NCOR2: variants seen among roughly 807,000 people sequenced by gnomAD.
NCOR2 encodes the protein CTG repeat protein 26.
In NCOR2, 81 loss-of-function variants were observed where a neutral mutation model predicts 262.9. That is an observed-to-expected ratio of 0.31 (90% CI 0.26 to 0.37). NCOR2 has a LOEUF of 0.37. NCOR2 is among the 10% of genes least tolerant of loss of function. NCOR2 has a pLI of 1.00. For missense variants in NCOR2, 3,385 were observed against 3,621.4 expected (o/e 0.93, Z 1.68); for synonymous variants, 1,659 against 1,559.3 (o/e 1.06, Z -1.51).
Position 124,483,864 on chromosome 12 carries a change from T to G in NCOR2, c.234-91A>C, listed in dbSNP as rs1047744965. On this transcript the variant is annotated intron_variant, in intron 2 of 46. Coordinates refer to ENST00000405201, the Ensembl canonical transcript of NCOR2. The surrounding 1 kb of genome is among the most constrained non-coding windows in gnomAD (Gnocchi z 6.3). ...ACCACCCTCTGCGCCGAGCATCTAC[T>G]GCGCGCCGTGCTCTGTATGATCCTG... 1.5e-6 allele frequency: 2 copies of G among 1,364,958 alleles called. No individual in the cohort carries two copies. The highest frequency in any genetic ancestry group is 5.3e-5 in the East Asian group (2 of 38,034). The allele number at this position is 1,364,958 out of a possible 1,614,324, so 84.6% of individuals were successfully genotyped here.
At position 124,332,271 on chromosome 12, in the gene NCOR2, C is replaced by G. The variant is rs370009566; in HGVS notation, c.6904+48G>C. On this transcript the variant is annotated intron_variant, in intron 43 of 46. Transcript: ENST00000405201. The stretch of plus-strand genomic sequence containing the variant: ...GCTCCAGCTGCCCAGGCAGGCCACC[C>G]GCCCACCTGTGGCCCCATGCTTCCC... The G allele has an allele frequency of 1.4e-5, 22 of 1,605,636 alleles. No individual in the cohort carries two copies. The Admixed American group carries it at 3.7e-4, about 27-fold the overall frequency.
At chr12:124,462,649 G>A (rs1318209399) in intron 5 of NCOR2, among the ~76,000 whole-genome samples, 1 of 152,244 alleles carries the variant, frequency 6.6e-6, no homozygotes, top group African/African-American at 2.4e-5. Flanking sequence ...CCAGGATGCT[G>A]AGGCCACAGG....
intron 1 of NCOR2, among the ~76,000 whole-genome samples, chr12:124,509,337 TG>T (rs1219618526): frequency 1.3e-5 from 2 of 151,252 alleles, no homozygotes; most frequent in Non-Finnish European, 2.9e-5. Context: ...GTCCTTCCAC[TG>T]GGGCTACTGA....
At chr12:124,452,711 G>A (rs1473150043) in intron 6 of NCOR2, among the ~76,000 whole-genome samples, 2 of 152,206 alleles carry the variant, frequency 1.3e-5, no homozygotes, top group Non-Finnish European at 2.9e-5. Context: ...ATGCAGGACC[G>A]GCTCCCGGGG....
chr12:124,521,126 A>C (rs979615582), intron 1 of NCOR2, among the ~76,000 whole-genome samples: 1 of 152,200 alleles, frequency 6.6e-6, no homozygotes, highest in African/African-American at 2.4e-5. Flanking sequence ...TGGGGGCCAG[A>C]ACTCTGAGGA....
rs1045861033 is a variant in NCOR2, at chr12:124,481,270, G to T, written c.411+2326C>A. 7.9e-5 allele frequency among the ~76,000 whole-genome samples: 12 copies of T among 152,092 alleles called. No homozygotes were observed. The highest frequency in any genetic ancestry group is 2.9e-4 in the African/African-American group (12 of 41,422). ...GGGATGCTGGCTGGGGTACCCGAGG[G>T]GGCAGTGCCCGAGAGGAACTGGCAT... is the stretch of plus-strand genomic sequence containing the variant. On this transcript the variant is annotated intron_variant, in intron 3 of 46. Transcript: ENST00000405201. This position sits in a 1 kb window ranked among gnomAD's most constrained non-coding sequence, Gnocchi z 4.6.
intron 3 of NCOR2, among the ~76,000 whole-genome samples, chr12:124,479,241 TGC>T (rs747966059): frequency 6.6e-6 from 1 of 151,664 alleles, no homozygotes; most frequent in Non-Finnish European, 1.5e-5. Flanking sequence ...CACGTGCACA[TGC>T]ACACACACGC....
At chr12:124,468,859 A>AC (rs1458595991) in intron 4 of NCOR2, among the ~76,000 whole-genome samples, 1 of 10,588 alleles carries the variant, frequency 9.4e-5, no homozygotes, top group African/African-American at 3.8e-4. Flanking sequence ...CATCCTCATC[A>AC]CCCCATCATC....
At chr12:124,459,592 A>C (rs960766198) in intron 5 of NCOR2, among the ~76,000 whole-genome samples, 5 of 151,746 alleles carry the variant, frequency 3.3e-5, no homozygotes, top group Admixed American at 1.3e-4. Context: ...CCATTCACGA[A>C]ACGGCCACAC....
Position 124,495,171 on chromosome 12 carries a change from T to TGGGTAGGAAAGGCTGTGGGGC in NCOR2, c.60_80dup (p.Pro21_Pro27dup), listed in dbSNP as rs749932535. On this transcript the variant is annotated inframe_insertion, in exon 1 of 47. Transcript: ENST00000405201. The surrounding 1 kb of genome is among the most constrained non-coding windows in gnomAD (Gnocchi z 4.4). Reference sequence around the variant, plus strand: ...CCGTGTGCGTCCGGGCGATCTGCACTGGGTAGGAAAGGCTGTGGGGCGGGT... The same window carrying TGGGTAGGAAAGGCTGTGGGGC: ...CCGTGTGCGTCCGGGCGATCTGCACTGGGTAGGAAAGGCTGTGGGGCGGGTAGGAAAGGCTGTGGGGCGGGT... 18 of 1,613,774 alleles carry TGGGTAGGAAAGGCTGTGGGGC rather than the reference T, an allele frequency of 1.1e-5. No individual in the cohort carries two copies. Among genetic ancestry groups the TGGGTAGGAAAGGCTGTGGGGC allele is most frequent in the Non-Finnish European group, 1.3e-5 (15 of 1,179,900 alleles).
In NCOR2 at chr12:124,432,682, G is replaced by A. The variant is rs1381966073; in HGVS notation, c.883-1895C>T. On this transcript the variant is annotated intron_variant, in intron 8 of 46. Coordinates refer to ENST00000405201, the Ensembl canonical transcript of NCOR2. The surrounding 1 kb of genome is among the most constrained non-coding windows in gnomAD (Gnocchi z 5.1). ...CAGCCTCACCCCAAGGACCAGCTGT[G>A]AGGACCCCAGCAGCTCCCAGAGAGG... Among the ~76,000 whole-genome samples, 5 of 152,300 alleles carry A rather than the reference G, an allele frequency of 3.3e-5. No individual in the cohort carries two copies. Among genetic ancestry groups the A allele is most frequent in the African/African-American group, 1.2e-4 (5 of 41,566 alleles).
intron 26 of NCOR2, 99 bp from the exon 29 acceptor site, chr12:124,354,295 G>A: frequency 7.6e-7 from 1 of 1,311,218 alleles, no homozygotes; most frequent in South Asian, 1.3e-5. Context: ...CCCACAAGTT[G>A]TGCTAGTTGT....
intron 1 of NCOR2, among the ~76,000 whole-genome samples, chr12:124,553,285 G>A (rs2051772347): frequency 6.6e-6 from 1 of 152,184 alleles, no homozygotes; most frequent in South Asian, 2.1e-4. Context: ...CCATCTCAAG[G>A]TCAGCTGGTT....
At position 124,389,671 on chromosome 12, in the gene NCOR2, C is replaced by CT. The variant is rs1228895675; in HGVS notation, c.1877-3785dup. On this transcript the variant is annotated intron_variant, in intron 16 of 46. Transcript: ENST00000405201. This position sits in a 1 kb window ranked among gnomAD's most constrained non-coding sequence, Gnocchi z 4.4. ...TGTCGGGGACTGTGGGTGGGCAGGG[C>CT]TAGCCTCGCATTCCGGAGGGATCCC... Among the ~76,000 whole-genome samples, 2 of 152,122 alleles carry CT rather than the reference C, an allele frequency of 1.3e-5. No individual in the cohort carries two copies. The highest frequency in any genetic ancestry group is 2.4e-5 in the African/African-American group (1 of 41,410).
At chr12:124,532,716 G>A (rs769511717) in intron 1 of NCOR2, among the ~76,000 whole-genome samples, 6 of 152,318 alleles carry the variant, frequency 3.9e-5, no homozygotes, top group African/African-American at 9.6e-5. Flanking sequence ...CGGAGACGCC[G>A]ATGGACGGGG....
chr12:124,525,049 A>C (rs568611495), intron 1 of NCOR2, among the ~76,000 whole-genome samples: 3 of 152,346 alleles, frequency 2.0e-5, no homozygotes, highest in African/African-American at 7.2e-5. Flanking sequence ...AAAAGTCATT[A>C]AATTTGACTT....
chr12:124,325,478 C>A (rs754325173), exon 47 of NCOR2: 5 of 1,244,572 alleles, frequency 4.0e-6, no homozygotes, highest in Non-Finnish European at 5.1e-6. Context: ...GTGGTGGGGG[C>A]CAGCGAGGGG....
At chr12:124,365,075 G>C (rs1163072076) in intron 20 of NCOR2, among the ~76,000 whole-genome samples, 1 of 152,242 alleles carries the variant, frequency 6.6e-6, no homozygotes, top group African/African-American at 2.4e-5. Flanking sequence ...GCCTACGTTT[G>C]GGGGTATGGA....
At chr12:124,545,275 C>T (rs1041746360) in intron 1 of NCOR2, among the ~76,000 whole-genome samples, 5 of 152,158 alleles carry the variant, frequency 3.3e-5, no homozygotes, top group East Asian at 1.9e-4. Flanking sequence ...CTCCCACCTC[C>T]GCAGCAGGCC....
Sources: allele counts gnomAD v4.1 joint callset (sites outside exome capture counted in the v4.1 genomes callset), GRCh38; gene constraint gnomAD v4.1.1; non-coding constraint Gnocchi (gnomAD v3.1); transcripts MANE v1.5; gene names NCBI Gene and HGNC (gene_info 2026-07-23, HGNC 2026-07-21).